The following RBFOX1 variants were observed in gnomAD, a reference collection of about 807,000 sequenced individuals.
RBFOX1 encodes the protein RNA binding fox-1 homolog 1.
Under a neutral mutation model 57.7 loss-of-function variants are expected in RBFOX1, and 8 were observed. That is an observed-to-expected ratio of 0.14 (90% CI 0.08 to 0.25). The LOEUF (loss-of-function observed/expected upper bound fraction) is 0.25. RBFOX1 is among the 10% of genes least tolerant of loss of function. The probability of loss-of-function intolerance (pLI) is 1.00; values close to 1 mark genes in which losing one functional copy is unlikely to be tolerated. For missense variants in RBFOX1, 611 were observed against 548.5 expected (o/e 1.11, Z -1.14); for synonymous variants, 326 against 222.4 (o/e 1.47, Z -4.15).
chr16:7,409,660 T>C (rs575628447), intron 4 of RBFOX1, among the ~76,000 whole-genome samples: 99 of 152,362 alleles, frequency 6.5e-4, no homozygotes, highest in African/African-American at 2.2e-3. Context: ...CCAATCACTA[T>C]AGGCCAGACC....
At chr16:5,979,057 A>G (rs917320498) in intron 4 of RBFOX1, among the ~76,000 whole-genome samples, 5 of 152,240 alleles carry the variant, frequency 3.3e-5, no homozygotes, top group East Asian at 3.8e-4. Context: ...ACCATGGACA[A>G]TGGTTTAACT....
At chr16:5,811,228 C>T (rs924292894) in intron 3 of RBFOX1, among the ~76,000 whole-genome samples, 7 of 137,762 alleles carry the variant, frequency 5.1e-5, no homozygotes, top group African/African-American at 1.1e-4. Context: ...CTGCAACTTC[C>T]GCCTCCCAGG....
chr16:6,277,235 C>T (rs538920937), intron 1 of RBFOX1, among the ~76,000 whole-genome samples: 2 of 151,968 alleles, frequency 1.3e-5, no homozygotes, highest in Admixed American at 6.6e-5. Context: ...CCAAGGCAGG[C>T]AGATAACTTC....
intron 10 of RBFOX1, among the ~76,000 whole-genome samples, chr16:7,611,485 A>G (rs1286046526): frequency 1.3e-5 from 2 of 152,068 alleles, no homozygotes; most frequent in Non-Finnish European, 2.9e-5. Context: ...AGGCTGAGGC[A>G]GAAGAATCAC....
chr16:7,605,859 G>C (rs780920787), intron 9 of RBFOX1, among the ~76,000 whole-genome samples: 2 of 152,104 alleles, frequency 1.3e-5, no homozygotes, highest in Admixed American at 6.5e-5. Context: ...TACTTCTTGA[G>C]ACAGAGTCTC....
intron 1 of RBFOX1, among the ~76,000 whole-genome samples, chr16:5,279,282 G>T (rs998559968): frequency 6.6e-6 from 1 of 151,970 alleles, no homozygotes; most frequent in East Asian, 1.9e-4. Flanking sequence ...GGTTTTCATT[G>T]TCGAGGTTTT....
chr16:7,014,041 A>G (rs2093781833), intron 3 of RBFOX1, among the ~76,000 whole-genome samples: 1 of 152,320 alleles, frequency 6.6e-6, no homozygotes, highest in East Asian at 1.9e-4. Context: ...AGGATGAAAT[A>G]TGTAACAGTA....
chr16:6,363,118 G>A (rs1428655921), intron 2 of RBFOX1, among the ~76,000 whole-genome samples: 1 of 152,142 alleles, frequency 6.6e-6, no homozygotes, highest in Non-Finnish European at 1.5e-5. Context: ...GGAATCTAGA[G>A]TTGTCTCTGC....
rs147407817 is a variant in RBFOX1 at position 7,259,234 on chromosome 16, T to C, written c.27+207136T>C. Among the ~76,000 whole-genome samples, 151 of 152,234 alleles carry C rather than the reference T, an allele frequency of 9.9e-4. 1 individual carries two copies. The highest frequency in any genetic ancestry group is 3.3e-3 in the African/African-American group (137 of 41,548). ...GGCTTTCTCTTTGATGCTATACAAT[T>C]AAACTGAAGGAAGGAAGGCTTTCGC... is the stretch of plus-strand genomic sequence containing the variant. On this transcript the variant is annotated intron_variant, in intron 4 of 15. Coordinates refer to ENST00000550418, the MANE Select transcript of RBFOX1 (RefSeq NM_018723.4).
intron 1 of RBFOX1, among the ~76,000 whole-genome samples, chr16:6,043,368 AT>A (rs2095461901): frequency 6.6e-6 from 1 of 152,152 alleles, no homozygotes; most frequent in Non-Finnish European, 1.5e-5. Context: ...TTGCAGGGTC[AT>A]TTCAAAATAT....
chr16:7,655,764 T>C (rs1597405365), intron 12 of RBFOX1, among the ~76,000 whole-genome samples: 1 of 152,186 alleles, frequency 6.6e-6, no homozygotes, highest in East Asian at 1.9e-4. Flanking sequence ...TTAGTATATC[T>C]ACCATCAGTA....
chr16:7,400,713 C>A (rs1597472968), intron 4 of RBFOX1, among the ~76,000 whole-genome samples: 1 of 152,152 alleles, frequency 6.6e-6, no homozygotes, highest in Non-Finnish European at 1.5e-5. Context: ...AAAAATTCTT[C>A]TGCAAAGCAC....
intron 2 of RBFOX1, among the ~76,000 whole-genome samples, chr16:6,466,044 C>T (rs2095042299): frequency 6.6e-6 from 1 of 151,928 alleles, no homozygotes; most frequent in Admixed American, 6.6e-5. Context: ...GCCTGGTCAA[C>T]ATGGTGAAAC....
intron 4 of RBFOX1, among the ~76,000 whole-genome samples, chr16:7,463,651 AAC>A (rs1388460050): frequency 6.6e-6 from 1 of 152,172 alleles, no homozygotes; most frequent in African/African-American, 2.4e-5. Flanking sequence ...TAAACATTCA[AAC>A]CATAGCAGTC....
intron 4 of RBFOX1, among the ~76,000 whole-genome samples, chr16:7,485,086 G>C (rs542393975): frequency 1.3e-5 from 2 of 151,484 alleles, no homozygotes; most frequent in Non-Finnish European, 2.9e-5. Context: ...TAATAACAGA[G>C]GACTTGACTT....
intron 3 of RBFOX1, among the ~76,000 whole-genome samples, chr16:6,926,872 C>A (rs1273939305): frequency 1.3e-5 from 2 of 152,092 alleles, no homozygotes; most frequent in African/African-American, 4.8e-5. Flanking sequence ...TTATTTTTCA[C>A]TTAGAACCTG....
At chr16:6,959,227 C>T (rs1411233937) in intron 3 of RBFOX1, among the ~76,000 whole-genome samples, 1 of 152,172 alleles carries the variant, frequency 6.6e-6, no homozygotes, top group Non-Finnish European at 1.5e-5. Flanking sequence ...AAGTACCTCT[C>T]TTTGCTAAGC....
intron 1 of RBFOX1, among the ~76,000 whole-genome samples, chr16:5,422,233 GAGGGAGGAGGAGC>G (rs1197197691): frequency 1.0e-4 from 15 of 148,200 alleles, no homozygotes; most frequent in South Asian, 6.4e-4. Flanking sequence ...GGGAGAGGGA[GAGGGAGGAGGAGC>G]AGGGAGAGGG....
intron 4 of RBFOX1, among the ~76,000 whole-genome samples, chr16:5,895,609 A>T (rs1228877575): frequency 6.6e-6 from 1 of 152,224 alleles, no homozygotes; most frequent in African/African-American, 2.4e-5. Context: ...TATCAGAATC[A>T]CAAAAGCTGG....
Sources: gnomAD v4.1 joint callset for allele counts (sites outside exome capture counted in the v4.1 genomes callset) on GRCh38, gnomAD v4.1.1 for gene constraint, MANE v1.5 for transcripts, NCBI Gene and HGNC (gene_info 2026-07-23, HGNC 2026-07-21) for gene names.